CLYBL: variants seen among roughly 807,000 people sequenced by gnomAD.
CLYBL encodes citramalyl-CoA lyase.
In CLYBL, 31 loss-of-function variants were observed where a neutral mutation model predicts 38.9. That is an observed-to-expected ratio of 0.80 (90% confidence interval 0.60 to 1.08). The LOEUF is 1.08. CLYBL is among the 50% of genes least tolerant of loss of function. The pLI, the probability that CLYBL is intolerant of heterozygous loss-of-function variation, is 0.00. For synonymous variants in CLYBL, 171 were observed against 158.6 expected (o/e 1.08, Z -0.59); for missense variants, 434 against 411.6 (o/e 1.05, Z -0.47).
intron 8 of CLYBL, among the ~76,000 whole-genome samples, chr13:99,903,795 G>T (rs1161791885): frequency 6.6e-6 from 1 of 152,202 alleles, no homozygotes; most frequent in African/African-American, 2.4e-5. Flanking sequence ...TCTGCAAAAT[G>T]AATCTGATTT....
intron 1 of CLYBL, among the ~76,000 whole-genome samples, chr13:99,726,035 T>C (rs180900205): frequency 6.6e-6 from 1 of 152,064 alleles, no homozygotes; most frequent in Non-Finnish European, 1.5e-5. Flanking sequence ...AATGTATACA[T>C]CTAATATGTT....
chr13:99,607,694 G>C (rs2046550162), intron 1 of CLYBL, among the ~76,000 whole-genome samples: 1 of 152,200 alleles, frequency 6.6e-6, no homozygotes, highest in Non-Finnish European at 1.5e-5. Context: ...TAATGAGAGA[G>C]TTTGGTTCAA....
At chr13:99,757,202 G>A (rs2049079307) in intron 1 of CLYBL, among the ~76,000 whole-genome samples, 1 of 152,118 alleles carries the variant, frequency 6.6e-6, no homozygotes, top group Admixed American at 6.5e-5. Context: ...ACCCGGCCAA[G>A]TGTTATATAT....
chr13:99,799,376 T>TACACACACACAC (rs1491454600), intron 2 of CLYBL, among the ~76,000 whole-genome samples: 2 of 29,542 alleles, frequency 6.8e-5, no homozygotes, highest in African/African-American at 5.7e-4. Context: ...TATACACACA[T>TACACACACACAC]TCACACACAC....
intron 1 of CLYBL, among the ~76,000 whole-genome samples, chr13:99,758,516 T>G (rs1038329468): frequency 6.6e-6 from 1 of 152,212 alleles, no homozygotes; most frequent in Non-Finnish European, 1.5e-5. Flanking sequence ...TGCAATTGTA[T>G]TCATACGCTG....
At chr13:99,620,385 C>G (rs976257050) in intron 1 of CLYBL, among the ~76,000 whole-genome samples, 1 of 152,152 alleles carries the variant, frequency 6.6e-6, no homozygotes, top group Non-Finnish European at 1.5e-5. Context: ...TGTTCTAGGG[C>G]CCATCAGCCA....
chr13:99,617,583 A>G (rs1197876321), intron 1 of CLYBL, among the ~76,000 whole-genome samples: 1 of 152,238 alleles, frequency 6.6e-6, no homozygotes, highest in Non-Finnish European at 1.5e-5. Flanking sequence ...GCTCCGCTCT[A>G]GCAATGGGAG....
intron 1 of CLYBL, among the ~76,000 whole-genome samples, chr13:99,662,599 A>ACT (rs1245672593): frequency 6.9e-6 from 1 of 144,656 alleles, no homozygotes; most frequent in Non-Finnish European, 1.5e-5. Flanking sequence ...TATTAGTATT[A>ACT]CTAGTAACAA....
chr13:99,693,448 G>A (rs1003311929), intron 1 of CLYBL, among the ~76,000 whole-genome samples: 4 of 151,692 alleles, frequency 2.6e-5, no homozygotes, highest in Non-Finnish European at 2.9e-5. Context: ...GAGGCAGCTC[G>A]GTATTATCCA....
chr13:99,669,643 T>C (rs1406661019), intron 1 of CLYBL, among the ~76,000 whole-genome samples: 1 of 152,190 alleles, frequency 6.6e-6, no homozygotes, highest in Non-Finnish European at 1.5e-5. Flanking sequence ...GCATGGATGT[T>C]GTACATTTTC....
At chr13:99,715,916 T>G (rs2048304668) in intron 1 of CLYBL, among the ~76,000 whole-genome samples, 1 of 152,196 alleles carries the variant, frequency 6.6e-6, no homozygotes, top group African/African-American at 2.4e-5. Context: ...TATCTGTTTC[T>G]GTGGATTTAT....
At position 99,739,237 on chromosome 13, in the gene CLYBL, T is replaced by C. The variant is rs76703779; in HGVS notation, c.63-33587T>C. 4.6e-4 allele frequency among the ~76,000 whole-genome samples: 70 copies of C among 152,258 alleles called. 3 individuals carry two copies. The East Asian group carries it at 0.013, about 29-fold the overall frequency. On this transcript the variant is annotated intron_variant, in intron 1 of 8. Transcript: ENST00000339105. ...AAACAGTCAAGCCCTTTAAAAGGGA[T>C]TGCATTTTCAAATAAACACACTTAG...
chr13:99,721,305 A>C (rs1046980131), intron 1 of CLYBL, among the ~76,000 whole-genome samples: 2 of 151,874 alleles, frequency 1.3e-5, no homozygotes, highest in Admixed American at 6.6e-5. Flanking sequence ...CAGCCTCCCA[A>C]AGTGCTGGGA....
chr13:99,649,584 C>T (rs2047221720), intron 1 of CLYBL, among the ~76,000 whole-genome samples: 1 of 152,122 alleles, frequency 6.6e-6, no homozygotes, highest in African/African-American at 2.4e-5. Flanking sequence ...TCTATGAGTC[C>T]ACCAGGCGCT....
At chr13:99,618,857 T>C (rs2046752887) in intron 1 of CLYBL, among the ~76,000 whole-genome samples, 1 of 152,254 alleles carries the variant, frequency 6.6e-6, no homozygotes, top group African/African-American at 2.4e-5. Flanking sequence ...TCTTCCAAGG[T>C]GCATCCATGT....
chr13:99,788,627 C>T (rs2049849923), intron 2 of CLYBL, among the ~76,000 whole-genome samples: 1 of 152,122 alleles, frequency 6.6e-6, no homozygotes, highest in Admixed American at 6.6e-5. Flanking sequence ...GATTTTTGCA[C>T]TGATGTTCAT....
At chr13:99,829,830 A>C (rs927441787) in intron 2 of CLYBL, among the ~76,000 whole-genome samples, 6 of 152,164 alleles carry the variant, frequency 3.9e-5, no homozygotes, top group African/African-American at 1.4e-4. Flanking sequence ...TTAATCATTT[A>C]CTCGCTTGAG....
chr13:99,789,390 A>T (rs1360350444), intron 2 of CLYBL, among the ~76,000 whole-genome samples: 1 of 152,160 alleles, frequency 6.6e-6, no homozygotes, highest in African/African-American at 2.4e-5. Context: ...AGATTCTGGT[A>T]TGTTGTATCT....
rs181564983 is a variant in CLYBL at position 99,773,668 on chromosome 13, T to A, written c.249+658T>A. Among the ~76,000 whole-genome samples, 134 of 152,278 alleles carry A rather than the reference T, an allele frequency of 8.8e-4. 1 individual carries two copies. The highest frequency in any genetic ancestry group is 3.1e-3 in the African/African-American group (128 of 41,566). On this transcript the variant is annotated intron_variant, in intron 2 of 8. Coordinates refer to ENST00000339105, the MANE Select transcript of CLYBL (RefSeq NM_206808.5). ...GCCAAAAAGGTTGGGGACCACTGAA[T>A]TAGATAATTCTAAAATTGTGGTGTA...
Sources: gnomAD v4.1 joint callset for allele counts (sites outside exome capture counted in the v4.1 genomes callset) on GRCh38, gnomAD v4.1.1 for gene constraint, MANE v1.5 for transcripts, NCBI Gene and HGNC (gene_info 2026-07-23, HGNC 2026-07-21) for gene names.